NTRK3: variants seen among roughly 807,000 people sequenced by gnomAD.
NTRK3 encodes the protein NT-3 growth factor receptor.
In NTRK3, 24 loss-of-function variants were observed where a neutral mutation model predicts 91.7. That is an observed-to-expected ratio of 0.26 (90% confidence interval 0.19 to 0.37). The LOEUF (loss-of-function observed/expected upper bound fraction) is 0.37. NTRK3 is among the 10% of genes least tolerant of loss of function. NTRK3 has a pLI of 1.00. For synonymous variants in NTRK3, 483 were observed against 404.0 expected, an observed-to-expected ratio of 1.20 and a Z score of -2.34; for missense variants, 880 against 1,068.9, an observed-to-expected ratio of 0.82 and a Z score of 2.46.
chr15:88,139,866 C>A (rs1312899565), intron 6 of NTRK3, among the ~76,000 whole-genome samples: 1 of 127,744 alleles, frequency 7.8e-6, no homozygotes, highest in Non-Finnish European at 1.5e-5. Context: ...CAGAGAGGAG[C>A]AAGCTAGGAG....
chr15:88,134,107 T>C (rs1300169814), intron 10 of NTRK3, among the ~76,000 whole-genome samples: 2 of 152,248 alleles, frequency 1.3e-5, no homozygotes, highest in Non-Finnish European at 2.9e-5. Context: ...CATGTGTGTA[T>C]GTGTCTTATC....
chr15:88,097,598 A>C (rs1169956278), intron 13 of NTRK3, among the ~76,000 whole-genome samples: 1 of 152,252 alleles, frequency 6.6e-6, no homozygotes, highest in Non-Finnish European at 1.5e-5. Flanking sequence ...ATACATACAA[A>C]GATGTTCACC....
At chr15:87,947,684 G>A (rs2070703963) in intron 14 of NTRK3, among the ~76,000 whole-genome samples, 1 of 152,054 alleles carries the variant, frequency 6.6e-6, no homozygotes, top group South Asian at 2.1e-4. Context: ...GGAGATTCTT[G>A]GCAGGAGAGA....
chr15:88,189,178 A>C (rs2047184978), intron 3 of NTRK3, among the ~76,000 whole-genome samples: 1 of 152,162 alleles, frequency 6.6e-6, no homozygotes. Context: ...TGGGCTTAGA[A>C]GGGAAATGGA....
intron 5 of NTRK3, among the ~76,000 whole-genome samples, chr15:88,173,998 T>C (rs924224028): frequency 6.6e-6 from 1 of 152,248 alleles, no homozygotes; most frequent in Non-Finnish European, 1.5e-5. Context: ...AGAGGAATGC[T>C]TGGTCTATAG....
chr15:88,209,132 G>A (rs972264690), intron 3 of NTRK3, among the ~76,000 whole-genome samples: 36 of 152,328 alleles, frequency 2.4e-4, no homozygotes, highest in African/African-American at 8.2e-4. Context: ...CCAAGATAGA[G>A]GAAATGAGAG....
At chr15:87,886,021 C>G (rs1800445129) in intron 17 of NTRK3, among the ~76,000 whole-genome samples, 1 of 151,620 alleles carries the variant, frequency 6.6e-6, no homozygotes, top group Non-Finnish European at 1.5e-5. Context: ...GAAAAGCAAC[C>G]CAGCAGAAAA....
chr15:87,890,225 C>T (rs2065782652), intron 17 of NTRK3, among the ~76,000 whole-genome samples: 1 of 152,058 alleles, frequency 6.6e-6, no homozygotes, highest in East Asian at 1.9e-4. Flanking sequence ...TAAGACTGAT[C>T]AGTGGATTCA....
At chr15:88,130,894 C>G (rs1348920949) in intron 10 of NTRK3, among the ~76,000 whole-genome samples, 2 of 150,736 alleles carry the variant, frequency 1.3e-5, no homozygotes, top group East Asian at 1.9e-4. Context: ...TAGTGATGGA[C>G]CAATGTTAAC....
intron 13 of NTRK3, among the ~76,000 whole-genome samples, chr15:88,081,686 C>T (rs941932670): frequency 1.8e-4 from 27 of 152,276 alleles, no homozygotes; most frequent in Non-Finnish European, 3.1e-4. Context: ...GTCAAAATGG[C>T]GCAGAGAGGG....
At position 88,128,587 on chromosome 15, in the gene NTRK3, C is replaced by G. The variant is rs2058685550; in HGVS notation, c.1228+124G>C. On this transcript the variant is annotated intron_variant, in intron 11 of 18. Transcript: ENST00000394480. The stretch of plus-strand genomic sequence containing the variant: ...CTTCATTTCCCTTTCACAGTTCACT[C>G]AGATGCCCTCAGCTGCCATGGGCCA... 5.9e-6 allele frequency: 6 copies of G among 1,009,184 alleles called. No individual in the cohort carries two copies. In the Admixed American group the frequency reaches 1.0e-4, roughly 18 times the overall value. The allele number at this position is 1,009,184 out of a possible 1,614,324, so 62.5% of individuals were successfully genotyped here.
Position 88,070,965 on chromosome 15 carries a change from T to C in NTRK3, c.1397-37920A>G, listed in dbSNP as rs116840212. ...CAGAAAAACAGATAAATAAAGGCTA[T>C]TAGGAAATAAATAAAAGATACAGAA... On this transcript the variant is annotated intron_variant, in intron 13 of 18. Transcript: ENST00000394480. 5.3e-3 allele frequency among the ~76,000 whole-genome samples: 805 copies of C among 152,228 alleles called. 6 individuals carry two copies. The highest frequency in any genetic ancestry group is 0.018 in the African/African-American group (765 of 41,534).
At chr15:88,246,356 G>A (rs2052821251) in intron 3 of NTRK3, among the ~76,000 whole-genome samples, 1 of 152,170 alleles carries the variant, frequency 6.6e-6, no homozygotes. Context: ...TTAAGAGAAG[G>A]CGCCAAGCTC....
At chr15:88,135,833 C>CCT in intron 9 of NTRK3, 66 bp downstream of exon 9, 1 of 1,593,936 alleles carries the variant, frequency 6.3e-7, no homozygotes, top group Non-Finnish European at 8.5e-7. Flanking sequence ...CACCTTGGCC[C>CCT]CTCTCCAGCC....
chr15:87,969,833 G>A (rs2073110980), intron 14 of NTRK3, among the ~76,000 whole-genome samples: 1 of 152,120 alleles, frequency 6.6e-6, no homozygotes, highest in African/African-American at 2.4e-5. Context: ...ACTCCCGCTT[G>A]GCCTTGTCCA....
intron 14 of NTRK3, among the ~76,000 whole-genome samples, chr15:87,942,347 C>T (rs1991981): frequency 0.32 from 48,908 of 152,116 alleles, 9,335 homozygotes; most frequent in African/African-American, 0.54. Context: ...GGGATTAAAA[C>T]TGGTTCCCTT....
At chr15:87,940,724 C>T (rs547749746) in exon 15 of NTRK3, 24 of 1,614,124 alleles carry the variant, frequency 1.5e-5, no homozygotes, top group South Asian at 1.1e-4. Context: ...CGCTTCAGCA[C>T]GATGTCTCTC....
Position 87,979,273 on chromosome 15 carries a change from T to C in NTRK3, c.1586-38520A>G. On this transcript the variant is annotated intron_variant, in intron 14 of 18. Transcript: ENST00000394480. ...CCCTGGATCCAAAGAGAACAATGCCTAGAGCTTCCAACCTCTCAGAGGGCC... is the reference window on the plus strand; with the variant it reads ...CCCTGGATCCAAAGAGAACAATGCCCAGAGCTTCCAACCTCTCAGAGGGCC... 4 of 1,110,530 alleles carry C rather than the reference T, an allele frequency of 3.6e-6. No individual in the cohort carries two copies. The South Asian group carries it at 4.9e-5, about 14-fold the overall frequency. 68.8% of individuals were successfully genotyped at this position (1,110,530 alleles called of 1,614,324 possible). A position where few individuals can be genotyped will look rare whatever the true frequency, so the allele number is the denominator to read the frequency against.
chr15:88,009,900 T>A (rs925113627), intron 14 of NTRK3, among the ~76,000 whole-genome samples: 1 of 152,192 alleles, frequency 6.6e-6, no homozygotes, highest in African/African-American at 2.4e-5. Context: ...CTGCTTTTCC[T>A]TCCAAACAAT....
Sources: allele counts gnomAD v4.1 joint callset (sites outside exome capture counted in the v4.1 genomes callset), GRCh38; gene constraint gnomAD v4.1.1; transcripts MANE v1.5; gene names NCBI Gene and HGNC (gene_info 2026-07-23, HGNC 2026-07-21).